The following ZGRF1 variants were observed in gnomAD, a reference collection of about 807,000 sequenced individuals.
ZGRF1 encodes the protein zinc finger GRF-type containing 1.
ZGRF1 carries 196 observed loss-of-function variants against 203.5 expected under a neutral mutation model. That is an observed-to-expected ratio of 0.96 (90% CI 0.86 to 1.08). The LOEUF is 1.08. ZGRF1 is among the 50% of genes least tolerant of loss of function. ZGRF1 has a pLI of 0.00. For synonymous variants in ZGRF1, 809 were observed against 841.3 expected (o/e 0.96, Z 0.66); for missense variants, 2,326 against 2,416.3 (o/e 0.96, Z 0.78).
chr4:112,616,888 T>C (rs1470009271), intron 6 of ZGRF1, among the ~76,000 whole-genome samples: 2 of 151,482 alleles, frequency 1.3e-5, no homozygotes, highest in East Asian at 3.9e-4. Flanking sequence ...AAAAGAACTC[T>C]GTGGTATAGG....
At chr4:112,548,477 G>A in intron 22 of ZGRF1, 97 bp from the exon 23 acceptor site, 1 of 891,706 alleles carries the variant, frequency 1.1e-6, no homozygotes, top group Non-Finnish European at 1.6e-6. Context: ...TAGAGAGTGA[G>A]CTAGTCCTAA....
In ZGRF1 at chr4:112,577,435, C is replaced by T. The variant is rs1438348850; in HGVS notation, c.4438+4228G>A. On this transcript the variant is annotated intron_variant, in intron 16 of 27. Coordinates refer to ENST00000505019, the MANE Select transcript of ZGRF1 (RefSeq NM_018392.5). ...TCAAATTCACACATAACAATATTAA[C>T]CTTAAATGTAAATGGGCTAAATGCT... Among the ~76,000 whole-genome samples the T allele has an allele frequency of 1.6e-5, 2 of 122,368 alleles. 1 individual carries two copies. Among genetic ancestry groups the T allele is most frequent in the Non-Finnish European group, 3.6e-5 (2 of 54,922 alleles). 80.3% of individuals were successfully genotyped at this position (122,368 alleles called of 152,430 possible). A position where few individuals can be genotyped will look rare whatever the true frequency, so the allele number is the denominator to read the frequency against.
At chr4:112,633,878 C>G (rs2047493031) in intron 1 of ZGRF1, among the ~76,000 whole-genome samples, 1 of 152,126 alleles carries the variant, frequency 6.6e-6, no homozygotes, top group Admixed American at 6.6e-5. Context: ...CAAGATGTGA[C>G]CCCTGGACCA....
At position 112,569,147 on chromosome 4, in the gene ZGRF1, G is replaced by C. The variant is rs78941738; in HGVS notation, c.4439-5873C>G. 4.1e-3 allele frequency among the ~76,000 whole-genome samples: 618 copies of C among 152,286 alleles called. 3 individuals carry two copies. Among genetic ancestry groups the C allele is most frequent in the African/African-American group, 0.014 (563 of 41,562 alleles). On this transcript the variant is annotated intron_variant, in intron 16 of 27. Coordinates refer to ENST00000505019, the MANE Select transcript of ZGRF1 (RefSeq NM_018392.5). ...GTAGGTTGAAAGTATTAAAGGAAAA[G>C]AACTTAGAACCTAAAATTTTATATG...
intron 19 of ZGRF1, among the ~76,000 whole-genome samples, chr4:112,559,980 T>C (rs1741651522): frequency 1.3e-5 from 2 of 152,124 alleles, no homozygotes; most frequent in Admixed American, 6.6e-5. Context: ...GGGAGATGAA[T>C]AGTGAGAGAA....
At position 112,623,864 on chromosome 4, in the gene ZGRF1, C is replaced by A. The variant is rs868585567; in HGVS notation, c.115G>T (p.Asp39Tyr). 1 of 1,577,856 alleles carries A rather than the reference C, an allele frequency of 6.3e-7. No individual in the cohort carries two copies. The highest frequency in any genetic ancestry group is 8.7e-7 in the Non-Finnish European group (1 of 1,152,140). ...THLGNKAILY[D>Y]DKGACLESLF... ...CTCTCCAAACATGCTCCTTTGTCAT[C>A]ATATAAAATTGCCTGTATGAAAACA... The change falls in exon 4 of 28, where the codon GAT becomes TAT. Residue 39 changes from aspartate (D) to tyrosine (Y), a missense_variant. By Grantham distance (160) the Asp-to-Tyr change is radical. Transcript: ENST00000505019.
At chr4:112,615,356 T>C (rs1477095385) in intron 6 of ZGRF1, among the ~76,000 whole-genome samples, 1 of 152,080 alleles carries the variant, frequency 6.6e-6, no homozygotes, top group African/African-American at 2.4e-5. Context: ...GCCTCCCCAG[T>C]AGCTTAGATT....
At chr4:112,580,695 C>T (rs1372673431) in intron 16 of ZGRF1, among the ~76,000 whole-genome samples, 1 of 152,180 alleles carries the variant, frequency 6.6e-6, no homozygotes, top group Non-Finnish European at 1.5e-5. Flanking sequence ...CATCACTGGC[C>T]ATCAGAGAAC....
At position 112,555,534 on chromosome 4, in the gene ZGRF1, T is replaced by A. The variant is rs1230540176; in HGVS notation, c.5121-752A>T. On this transcript the variant is annotated intron_variant, in intron 20 of 27. Transcript: ENST00000505019. ...ATGAAAAGATTTCGATTTTCACATT[T>A]TTCACAGTCTTCACCCTGAAGAATA... Among the ~76,000 whole-genome samples the A allele has an allele frequency of 2.6e-5, 4 of 152,298 alleles. No homozygotes were observed. In the South Asian group the frequency reaches 8.3e-4, roughly 32 times the overall value.
At chr4:112,596,898 C>A (rs1749113543) in intron 10 of ZGRF1, among the ~76,000 whole-genome samples, 1 of 151,906 alleles carries the variant, frequency 6.6e-6, no homozygotes, top group Non-Finnish European at 1.5e-5. Context: ...CTGTGCATGG[C>A]CAGGAATTTT....
chr4:112,574,149 A>G (rs1283225186), intron 16 of ZGRF1, among the ~76,000 whole-genome samples: 2 of 152,230 alleles, frequency 1.3e-5, no homozygotes, highest in African/African-American at 4.8e-5. Context: ...AGAAACCCAT[A>G]CATGTCTAAA....
At chr4:112,581,899 T>C in intron 15 of ZGRF1, 97 bp from the exon 16 acceptor site, 1 of 535,628 alleles carries the variant, frequency 1.9e-6, no homozygotes. Context: ...CAGGGTTTCA[T>C]ATGTTTACCT....
Position 112,548,840 on chromosome 4 carries a change from C to A in ZGRF1, c.5347-460G>T, listed in dbSNP as rs559045799. On this transcript the variant is annotated intron_variant, in intron 22 of 27. Coordinates refer to ENST00000505019, the MANE Select transcript of ZGRF1 (RefSeq NM_018392.5). ...ATTTAAAAATGTAAAGATGGCCGGGCGCGGTGGCTCACGCCTGTAATCCCA... is the reference window on the plus strand; with the variant it reads ...ATTTAAAAATGTAAAGATGGCCGGGAGCGGTGGCTCACGCCTGTAATCCCA... 6.4e-4 allele frequency among the ~76,000 whole-genome samples: 16 copies of A among 25,106 alleles called. 4 individuals are homozygous for A. Among genetic ancestry groups the A allele is most frequent in the Non-Finnish European group, 9.9e-4 (13 of 13,142 alleles). The allele number at this position is 25,106 out of a possible 152,430, so 16.5% of individuals were successfully genotyped here.
rs753021763 is a variant in ZGRF1 at position 112,553,975 on chromosome 4, C to T, written c.5206G>A (p.Ala1736Thr). 5.6e-6 allele frequency: 9 copies of T among 1,606,130 alleles called. No homozygotes were observed. In the Admixed American group the frequency reaches 1.4e-4, roughly 24 times the overall value. Residue 1736 changes from alanine to threonine, a missense_variant, in exon 22 of 28, where the codon GCT becomes ACT. By Grantham distance (58) the Ala-to-Thr change is moderately conservative. Transcript: ENST00000505019. ...AKPILPYSLH[A>T]GSENESEQLK... ...TGTTCACTTTCATTTTCTGAGCCAG[C>T]ATGCAAGCTAAAGAATTATATTAAA...
intron 16 of ZGRF1, chr4:112,565,034 C>A: frequency 1.9e-6 from 2 of 1,051,442 alleles, no homozygotes; most frequent in Middle Eastern, 2.0e-4. Context: ...GGTGGTAAAC[C>A]ACCCAGGAAG....
intron 16 of ZGRF1, among the ~76,000 whole-genome samples, chr4:112,568,757 T>C (rs527400599): frequency 1.1e-4 from 16 of 148,472 alleles, no homozygotes; most frequent in African/African-American, 4.0e-4. Flanking sequence ...GGCTCACGCC[T>C]GTAATCCCAG....
chr4:112,574,279 CAAAT>C (rs1439495550), intron 16 of ZGRF1, among the ~76,000 whole-genome samples: 2 of 152,006 alleles, frequency 1.3e-5, no homozygotes, highest in African/African-American at 4.8e-5. Context: ...ACAGTCAAAA[CAAAT>C]AATCTAGACT....
intron 16 of ZGRF1, among the ~76,000 whole-genome samples, chr4:112,570,529 G>A (rs1578312955): frequency 6.6e-6 from 1 of 152,024 alleles, no homozygotes; most frequent in East Asian, 1.9e-4. Context: ...AGGTTGCAGT[G>A]AGCTGAGATC....
intron 16 of ZGRF1, among the ~76,000 whole-genome samples, 171 bp downstream of exon 16, chr4:112,581,492 T>C (rs1034825332): frequency 2.6e-5 from 4 of 151,228 alleles, no homozygotes; most frequent in Non-Finnish European, 5.9e-5. Context: ...TAAAAATATG[T>C]TTTTTAGAAG....
Sources: allele counts gnomAD v4.1 joint callset (sites outside exome capture counted in the v4.1 genomes callset), GRCh38; gene constraint gnomAD v4.1.1; transcripts MANE v1.5; gene names NCBI Gene and HGNC (gene_info 2026-07-23, HGNC 2026-07-21).